Variants in SGCE observed in about 807,000 individuals in gnomAD.
SGCE encodes epsilon-sarcoglycan.
Under a neutral mutation model 57.8 loss-of-function variants are expected in SGCE, and 26 were observed. That is an observed-to-expected ratio of 0.45 (90% CI 0.33 to 0.62). The LOEUF (loss-of-function observed/expected upper bound fraction) is 0.62. Among genes scored for constraint, SGCE ranks in the 20% least tolerant of loss-of-function variants. The probability of loss-of-function intolerance (pLI) is 0.02; values close to 1 mark genes in which losing one functional copy is unlikely to be tolerated. For missense variants in SGCE, 468 were observed against 548.6 expected, an observed-to-expected ratio of 0.85 and a Z score of 1.47; for synonymous variants, 183 against 189.5, an observed-to-expected ratio of 0.97 and a Z score of 0.28.
chr7:94,627,578 C>T (rs1803929283), intron 3 of SGCE: 1 of 152,390 alleles, frequency 6.6e-6, no homozygotes, highest in African/African-American at 2.4e-5. Flanking sequence ...TTTCTTATAC[C>T]TCTAAGATTT....
intron 3 of SGCE, chr7:94,625,042 A>G (rs938906671): frequency 2.6e-5 from 4 of 151,956 alleles, no homozygotes; most frequent in Non-Finnish European, 5.9e-5. Flanking sequence ...ATATCCTCAG[A>G]TTTTACTTAT....
Position 94,627,931 on chromosome 7 carries a change from G to C in SGCE, c.390+271C>G, listed in dbSNP as rs1033612705. Reference sequence around the variant, plus strand: ...AAGTCTACAATTATTTTCTCAAATAGAATTCATATTATAATAATCTCTTTT... The same window carrying C: ...AAGTCTACAATTATTTTCTCAAATACAATTCATATTATAATAATCTCTTTT... On this transcript the variant is annotated intron_variant, in intron 3 of 10. Transcript: ENST00000648936. The C allele has an allele frequency of 5.0e-5, 19 of 381,868 alleles. No individual in the cohort carries two copies. The East Asian group carries it at 7.1e-4, about 14-fold the overall frequency. The allele number at this position is 381,868 out of a possible 1,614,324, so 23.7% of individuals were successfully genotyped here. A position where few individuals can be genotyped will look rare whatever the true frequency, so the allele number is the denominator to read the frequency against.
At chr7:94,589,241 C>T (rs768148299) in intron 9 of SGCE, 11 of 165,992 alleles carry the variant, frequency 6.6e-5, no homozygotes, top group African/African-American at 1.2e-4. Context: ...GATGCATTGG[C>T]GGAATGCAGA....
At chr7:94,638,941 T>G (rs17166393) in intron 1 of SGCE, among the ~76,000 whole-genome samples, 9,682 of 152,214 alleles carry the variant, frequency 0.064, 1,030 homozygotes, top group African/African-American at 0.22. Flanking sequence ...AATATGAGTT[T>G]TTCCAAGGTT....
At chr7:94,598,648 T>A in intron 9 of SGCE, 127 bp downstream of exon 9, 1 of 775,998 alleles carries the variant, frequency 1.3e-6, no homozygotes, top group Non-Finnish European at 2.3e-6. Context: ...ATTTACACAA[T>A]GTCCTTTTGT....
At chr7:94,595,700 T>G (rs1263414320) in intron 9 of SGCE, among the ~76,000 whole-genome samples, 1 of 152,080 alleles carries the variant, frequency 6.6e-6, no homozygotes, top group East Asian at 1.9e-4. Context: ...TAGCTGTTTT[T>G]CTGGTAAAAA....
In SGCE at chr7:94,600,330, C is replaced by T. The variant is rs568737813; in HGVS notation, c.1037+316G>A. On this transcript the variant is annotated intron_variant, in intron 7 of 10. Transcript: ENST00000648936. ...GCAATTACCATGTCAGTAGATTCTG[C>T]AGTCTCTGCTCATGCAAGATGGCTT... 552 of 302,202 alleles carry T rather than the reference C, an allele frequency of 1.8e-3. 1 individual carries two copies. Among genetic ancestry groups the T allele is most frequent in the African/African-American group, 3.8e-3 (175 of 45,474 alleles). 18.7% of individuals were successfully genotyped at this position (302,202 alleles called of 1,614,324 possible).
intron 1 of SGCE, among the ~76,000 whole-genome samples, chr7:94,639,826 A>G (rs1806123154): frequency 6.6e-6 from 1 of 152,202 alleles, no homozygotes; most frequent in South Asian, 2.1e-4. Context: ...CTGGCTAGGA[A>G]TGTTGTTAAG....
rs774574552 is a variant in SGCE, at chr7:94,628,376, G to T, written c.233-17C>A. ...TAATCTCGCCTAGATAAGAAACAGA[G>T]AATTAAGACATAAGACAGTTATTTT... On this transcript the variant is annotated splice_polypyrimidine_tract_variant and intron_variant, in intron 2 of 10. Coordinates refer to ENST00000648936, the MANE Select transcript of SGCE (RefSeq NM_003919.3). 9 of 1,578,976 alleles carry T rather than the reference G, an allele frequency of 5.7e-6. No individual in the cohort carries two copies. The highest frequency in any genetic ancestry group is 7.0e-6 in the Non-Finnish European group (8 of 1,150,006).
intron 3 of SGCE, chr7:94,623,879 A>G: frequency 2.8e-6 from 1 of 357,196 alleles, no homozygotes; most frequent in East Asian, 4.1e-5. Context: ...TGTCATAAAT[A>G]ACCCTTTGGA....
At chr7:94,588,595 GA>G in intron 10 of SGCE, 93 bp downstream of exon 10, 1 of 1,553,306 alleles carries the variant, frequency 6.4e-7, no homozygotes, top group Non-Finnish European at 8.7e-7. Flanking sequence ...CTTATTTGGT[GA>G]AGATAAAGCT....
chr7:94,591,059 TTTTA>T (rs1797613525), intron 9 of SGCE, among the ~76,000 whole-genome samples: 2 of 152,222 alleles, frequency 1.3e-5, no homozygotes, highest in Non-Finnish European at 2.9e-5. Flanking sequence ...TTATATTCGT[TTTTA>T]TTGTTACTTA....
rs757542604 is a variant in SGCE, at chr7:94,618,916, A to T, written c.504T>A (p.Asn168Lys). Residue 168 changes from asparagine to lysine, a missense_variant, in exon 5 of 11, where the codon AAT becomes AAA. Transcript: ENST00000648936. ...TGGCCAACATTTCTTCTACATTCAT[A>T]TTCTTAATGAAGAATTCTGCTTGAT... Reference protein sequence around the residue: ...LPYQAEFFIKNMNVEEMLASE... With the variant: ...LPYQAEFFIKKMNVEEMLASE... 2 of 1,613,986 alleles carry T rather than the reference A, an allele frequency of 1.2e-6. No homozygotes were observed. Among genetic ancestry groups the T allele is most frequent in the East Asian group, 4.5e-5 (2 of 44,866 alleles).
chr7:94,649,730 A>G (rs113799582), intron 1 of SGCE, among the ~76,000 whole-genome samples: 1 of 152,246 alleles, frequency 6.6e-6, no homozygotes. Flanking sequence ...TATACTTCAT[A>G]CAGTCAGAGT....
chr7:94,648,762 A>G (rs2117088517), intron 1 of SGCE, among the ~76,000 whole-genome samples: 1 of 152,358 alleles, frequency 6.6e-6, no homozygotes, highest in African/African-American at 2.4e-5. Context: ...AAGAAGGAGA[A>G]ACAAAAAACC....
At chr7:94,609,903 C>T (rs1014654488) in intron 5 of SGCE, among the ~76,000 whole-genome samples, 1 of 152,148 alleles carries the variant, frequency 6.6e-6, no homozygotes, top group Non-Finnish European at 1.5e-5. Context: ...AAAGCCTGCA[C>T]ATGGATATCT....
chr7:94,603,251 A>G lies in SGCE; in HGVS notation c.825+39T>C, dbSNP rs752533816. 6 of 1,547,236 alleles carry G rather than the reference A, an allele frequency of 3.9e-6. No individual in the cohort carries two copies. The African/African-American group carries it at 5.4e-5, about 14-fold the overall frequency. The stretch of plus-strand genomic sequence containing the variant: ...GTCAAACGTTAACTCCAGCCACATT[A>G]TTTTTAACTAAACTTGCAAAAACAA... On this transcript the variant is annotated intron_variant, in intron 6 of 10. Coordinates refer to ENST00000648936, the MANE Select transcript of SGCE (RefSeq NM_003919.3).
chr7:94,593,820 A>G (rs949264649), intron 9 of SGCE, among the ~76,000 whole-genome samples: 3 of 152,132 alleles, frequency 2.0e-5, no homozygotes, highest in Non-Finnish European at 2.9e-5. Flanking sequence ...CTCCATGTAG[A>G]GGAATGTGAA....
rs1584531725 is a variant in SGCE, at chr7:94,600,696, C to T, written c.987G>A (p.Leu329=). ...ITLAVPSAVA[L]VLFLILAYIM... ...TATAAGCAAGTATTAGAAAAAGGAC[C>T]AGTGCCACTGCCGAGGGCACAGCCA... Residue 329 remains leucine, a synonymous_variant, in exon 7 of 11, where the codon CTG becomes CTA. Transcript: ENST00000648936. 6.2e-7 allele frequency: 1 copy of T among 1,613,822 alleles called. No homozygotes were observed. Among genetic ancestry groups the T allele is most frequent in the East Asian group, 2.2e-5 (1 of 44,832 alleles).
Sources: gnomAD v4.1 joint callset for allele counts (sites outside exome capture counted in the v4.1 genomes callset) on GRCh38, gnomAD v4.1.1 for gene constraint, MANE v1.5 for transcripts, NCBI Gene and HGNC (gene_info 2026-07-23, HGNC 2026-07-21) for gene names.